STPG2: variants seen among roughly 807,000 people sequenced by gnomAD.
STPG2 encodes sperm tail PG-rich repeat containing 2, also known as sperm-tail PG-rich repeat-containing protein 2.
A neutral mutation model predicts 54.2 loss-of-function variants in STPG2; 56 were observed. The observed-to-expected ratio is 1.03, with a 90% CI of 0.83 to 1.29. STPG2 has a LOEUF of 1.29. Among genes scored for constraint, STPG2 ranks in the 50% most tolerant of loss-of-function variants. The pLI is 0.00. For synonymous variants in STPG2, 200 were observed against 181.8 expected (o/e 1.10, Z -0.81); for missense variants, 596 against 544.9 (o/e 1.09, Z -0.93).
intron 8 of STPG2, among the ~76,000 whole-genome samples, chr4:97,913,426 T>G (rs2149201985): frequency 6.6e-6 from 1 of 152,226 alleles, no homozygotes. Flanking sequence ...AAATCCAAGT[T>G]GAGACATCAG....
chr4:97,881,373 T>C (rs1170575458), intron 8 of STPG2, among the ~76,000 whole-genome samples: 1 of 152,122 alleles, frequency 6.6e-6, no homozygotes, highest in African/African-American at 2.4e-5. Context: ...GTCTATTCCA[T>C]CTCTAAAATG....
intron 5 of STPG2, among the ~76,000 whole-genome samples, chr4:98,103,261 A>G (rs1251139819): frequency 6.6e-6 from 1 of 152,154 alleles, no homozygotes; most frequent in Non-Finnish European, 1.5e-5. Context: ...ACTATGACTA[A>G]ATGTACATAC....
chr4:97,896,814 T>C (rs1016640459), intron 8 of STPG2, among the ~76,000 whole-genome samples: 1 of 151,878 alleles, frequency 6.6e-6, no homozygotes, highest in Non-Finnish European at 1.5e-5. Flanking sequence ...TTTCACAGTA[T>C]TACAATGAAA....
chr4:97,817,603 T>A, intron 9 of STPG2, among the ~76,000 whole-genome samples: 1 of 152,002 alleles, frequency 6.6e-6, no homozygotes, highest in East Asian at 1.9e-4. Flanking sequence ...TAGAGGATTA[T>A]TAGACTTTAG....
At chr4:98,076,095 T>C (rs1738156591) in intron 5 of STPG2, among the ~76,000 whole-genome samples, 1 of 152,022 alleles carries the variant, frequency 6.6e-6, no homozygotes, top group Non-Finnish European at 1.5e-5. Context: ...ATACAAAAAA[T>C]TAGCCAGGCG....
chr4:97,634,284 G>C (rs1234325852), intron 10 of STPG2, among the ~76,000 whole-genome samples: 1 of 152,056 alleles, frequency 6.6e-6, no homozygotes, highest in Non-Finnish European at 1.5e-5. Flanking sequence ...TGAGGGTCCT[G>C]TCTGTTAGAA....
At chr4:97,913,482 A>G (rs1217703036) in intron 8 of STPG2, among the ~76,000 whole-genome samples, 1 of 152,198 alleles carries the variant, frequency 6.6e-6, no homozygotes, top group Non-Finnish European at 1.5e-5. Flanking sequence ...ACGATAGGCT[A>G]TAGACATAAA....
Position 98,143,037 on chromosome 4 carries a change from C to G in STPG2, c.109+5G>C. 1.9e-6 allele frequency: 3 copies of G among 1,608,092 alleles called. No homozygotes were observed. Among genetic ancestry groups the G allele is most frequent in the Middle Eastern group, 1.7e-4 (1 of 6,040 alleles). On this transcript the variant is annotated splice_donor_5th_base_variant and intron_variant, in intron 1 of 10. Transcript: ENST00000295268. ...ACAGGAGCTCTGCCTCTTCCTACAT[C>G]TTACCTGTCGCCTGCTGCTTCAGGA...
At chr4:97,838,409 G>A (rs926947112) in intron 9 of STPG2, among the ~76,000 whole-genome samples, 1 of 150,934 alleles carries the variant, frequency 6.6e-6, no homozygotes. Context: ...GTTGTCCCTA[G>A]CAAAAGTTAG....
At chr4:98,012,768 T>C (rs1205685023) in intron 5 of STPG2, among the ~76,000 whole-genome samples, 1 of 152,246 alleles carries the variant, frequency 6.6e-6, no homozygotes, top group Non-Finnish European at 1.5e-5. Flanking sequence ...TGTTGGTGTA[T>C]AGAAATGCTT....
intron 9 of STPG2, among the ~76,000 whole-genome samples, chr4:97,735,778 A>G (rs1724967013): frequency 6.6e-6 from 1 of 151,908 alleles, no homozygotes. Context: ...GTGTGTATGT[A>G]TGTTAACCTT....
In STPG2 at chr4:98,105,991, G is replaced by A. The variant is rs141732256; in HGVS notation, c.574C>T (p.Arg192Ter). The change falls in exon 5 of 11, where the codon CGA (arginine) becomes TGA (stop). Residue 192 changes from arginine to a stop codon, truncating the protein, a stop_gained. Coordinates refer to ENST00000295268, the MANE Select transcript of STPG2 (RefSeq NM_174952.3). LOFTEE classifies it high-confidence loss of function. ...QQQNYCSFIP[R>*]LYEIIVLQEK... ...TGCAATACTATTATTTCATATAGTC[G>A]TGGGATAAATGAACAATAATTTTGT... is the stretch of plus-strand genomic sequence containing the variant. The A allele has an allele frequency of 5.3e-4, 819 of 1,558,000 alleles. 3 individuals are homozygous for A. Among genetic ancestry groups the A allele is most frequent in the Middle Eastern group, 1.0e-3 (6 of 5,866 alleles).
At chr4:97,561,992 C>T (rs1374776919) in intron 10 of STPG2, among the ~76,000 whole-genome samples, 2 of 152,088 alleles carry the variant, frequency 1.3e-5, no homozygotes, top group African/African-American at 4.8e-5. Context: ...TCATTGGTAG[C>T]TTGATGGGGA....
intron 9 of STPG2, among the ~76,000 whole-genome samples, chr4:97,801,321 A>G (rs1300990779): frequency 6.6e-6 from 1 of 152,084 alleles, no homozygotes; most frequent in Non-Finnish European, 1.5e-5. Flanking sequence ...GCCATCTTGG[A>G]ACCTCCCCAT....
chr4:97,866,383 C>T (rs151109829), intron 8 of STPG2, among the ~76,000 whole-genome samples: 157 of 152,028 alleles, frequency 1.0e-3, no homozygotes, highest in Middle Eastern at 3.4e-3. Context: ...ACACATACTA[C>T]GTACCCACAA....
intron 5 of STPG2, among the ~76,000 whole-genome samples, chr4:97,998,015 G>T (rs1157904961): frequency 2.0e-5 from 3 of 152,120 alleles, no homozygotes; most frequent in Non-Finnish European, 2.9e-5. Context: ...CCAGTAAAAA[G>T]GCTATTTCAA....
intron 9 of STPG2, among the ~76,000 whole-genome samples, chr4:97,796,564 C>G (rs1379826593): frequency 6.6e-6 from 1 of 152,158 alleles, no homozygotes; most frequent in East Asian, 1.9e-4. Flanking sequence ...GTCTAGCTCT[C>G]TGTTTTGGTA....
At chr4:97,821,221 C>A (rs1728081290) in intron 9 of STPG2, among the ~76,000 whole-genome samples, 1 of 152,134 alleles carries the variant, frequency 6.6e-6, no homozygotes, top group Non-Finnish European at 1.5e-5. Context: ...GGGCTCCAGC[C>A]TCTACACAAG....
chr4:98,084,295 T>G (rs1738442063), intron 5 of STPG2, among the ~76,000 whole-genome samples: 1 of 152,222 alleles, frequency 6.6e-6, no homozygotes, highest in Non-Finnish European at 1.5e-5. Flanking sequence ...TAGTTCTTTA[T>G]AGTGCTAAAT....
Sources: allele counts gnomAD v4.1 joint callset (sites outside exome capture counted in the v4.1 genomes callset), GRCh38; gene constraint gnomAD v4.1.1; transcripts MANE v1.5; gene names NCBI Gene and HGNC (gene_info 2026-07-23, HGNC 2026-07-21).